Variants in NAALADL2 observed in about 807,000 individuals in gnomAD.
NAALADL2 encodes the protein inactive N-acetylated-alpha-linked acidic dipeptidase-like protein 2.
NAALADL2 carries 76 observed loss-of-function variants against 87.2 expected under a neutral mutation model. That is an observed-to-expected ratio of 0.87 (90% confidence interval 0.72 to 1.05). The LOEUF (loss-of-function observed/expected upper bound fraction) is 1.05, where lower values mean the gene tolerates loss of function less well. Among genes scored for constraint, NAALADL2 ranks in the 50% least tolerant of loss-of-function variants. The probability of loss-of-function intolerance (pLI) is 0.00; values close to 1 mark genes in which losing one functional copy is unlikely to be tolerated. For missense variants in NAALADL2, 1,089 were observed against 945.8 expected, an observed-to-expected ratio of 1.15 and a Z score of -1.99; for synonymous variants, 354 against 331.0, an observed-to-expected ratio of 1.07 and a Z score of -0.75.
At chr3:174,999,761 G>A (rs1436628032) in intron 1 of NAALADL2, among the ~76,000 whole-genome samples, 1 of 152,096 alleles carries the variant, frequency 6.6e-6, no homozygotes, top group Non-Finnish European at 1.5e-5. Flanking sequence ...TTTGGACACA[G>A]ACATTTTTCA....
chr3:175,326,743 G>A (rs1036931900), intron 5 of NAALADL2, among the ~76,000 whole-genome samples: 10 of 152,146 alleles, frequency 6.6e-5, no homozygotes, highest in Non-Finnish European at 1.0e-4. Flanking sequence ...GCAAGAAAGG[G>A]CCAAACTCAC....
chr3:175,734,723 C>T (rs1254987068), intron 11 of NAALADL2, among the ~76,000 whole-genome samples: 1 of 152,148 alleles, frequency 6.6e-6, no homozygotes, highest in African/African-American at 2.4e-5. Flanking sequence ...AAGGCTGGAG[C>T]AGCTGGGACT....
intron 2 of NAALADL2, among the ~76,000 whole-genome samples, chr3:174,561,285 T>TGAC (rs1713585591): frequency 6.6e-6 from 1 of 150,892 alleles, no homozygotes; most frequent in South Asian, 2.1e-4. Context: ...CTGCAACCTC[T>TGAC]GACGCCCTGG....
chr3:175,391,244 A>G (rs1284028381), intron 5 of NAALADL2, among the ~76,000 whole-genome samples: 1 of 152,148 alleles, frequency 6.6e-6, no homozygotes, highest in Non-Finnish European at 1.5e-5. Flanking sequence ...TTATTTAGCT[A>G]TATCTTTTCT....
At chr3:174,866,385 GAAAA>G (rs1727148760) in intron 1 of NAALADL2, among the ~76,000 whole-genome samples, 2 of 151,300 alleles carry the variant, frequency 1.3e-5, no homozygotes, top group South Asian at 4.1e-4. Context: ...CATTTCTGCA[GAAAA>G]AATTTCAAAC....
At chr3:174,929,744 A>G (rs535311960) in intron 1 of NAALADL2, among the ~76,000 whole-genome samples, 174 of 152,276 alleles carry the variant, frequency 1.1e-3, no homozygotes, top group African/African-American at 4.0e-3. Flanking sequence ...TGTTTTACAA[A>G]ATACTTTTAT....
chr3:175,229,403 A>C (rs9846329), intron 2 of NAALADL2, among the ~76,000 whole-genome samples: 3 of 152,060 alleles, frequency 2.0e-5, no homozygotes, highest in Admixed American at 6.6e-5. Flanking sequence ...AAATATTTTA[A>C]TTTTAAAACA....
At chr3:174,860,875 T>C (rs181169183) in intron 1 of NAALADL2, among the ~76,000 whole-genome samples, 3 of 152,198 alleles carry the variant, frequency 2.0e-5, no homozygotes, top group South Asian at 2.1e-4. Flanking sequence ...GTAATACATA[T>C]GTTTCACTGT....
intron 3 of NAALADL2, among the ~76,000 whole-genome samples, chr3:175,242,009 G>T (rs557667467): frequency 6.6e-6 from 1 of 151,382 alleles, no homozygotes; most frequent in Non-Finnish European, 1.5e-5. Flanking sequence ...TTACAGGCAC[G>T]CGCCCCCATG....
intron 13 of NAALADL2, among the ~76,000 whole-genome samples, chr3:175,793,189 G>A (rs1753008074): frequency 6.6e-6 from 1 of 151,804 alleles, no homozygotes; most frequent in Non-Finnish European, 1.5e-5. Context: ...AAACAATAAA[G>A]CACACAGTGA....
chr3:175,540,002 A>G (rs1214582355), intron 9 of NAALADL2, among the ~76,000 whole-genome samples: 1 of 152,210 alleles, frequency 6.6e-6, no homozygotes, highest in Non-Finnish European at 1.5e-5. Context: ...GTAGAAATTT[A>G]ATTTAGCACA....
In NAALADL2 at chr3:175,520,444, G is replaced by A. The variant is rs553076484; in HGVS notation, c.1653+48686G>A. ...CTCCCGAGTAGCTGGGACTACAGGC[G>A]CCCGCCACCGCGCCCGGCTAATTTT... On this transcript the variant is annotated intron_variant, in intron 9 of 13. Coordinates refer to ENST00000454872, the MANE Select transcript of NAALADL2 (RefSeq NM_207015.3). Among the ~76,000 whole-genome samples the A allele has an allele frequency of 4.5e-3, 682 of 151,576 alleles. 3 individuals are homozygous for A. The highest frequency in any genetic ancestry group is 6.1e-3 in the Non-Finnish European group (413 of 67,856).
chr3:175,450,167 G>GT (rs535346347), intron 6 of NAALADL2, among the ~76,000 whole-genome samples: 1 of 152,046 alleles, frequency 6.6e-6, no homozygotes, highest in African/African-American at 2.4e-5. Flanking sequence ...AATGCTCATA[G>GT]TTTTTCTGAG....
chr3:175,517,085 A>G lies in NAALADL2; in HGVS notation c.1653+45327A>G, dbSNP rs191681484. 3.9e-5 allele frequency among the ~76,000 whole-genome samples: 6 copies of G among 152,332 alleles called. No homozygotes were observed. The East Asian group carries it at 1.2e-3, about 29-fold the overall frequency. ...TTTATGTAGTAGTATTTTTAATAAC[A>G]ATTCAATCTTTACCTATTTTAACAC... On this transcript the variant is annotated intron_variant, in intron 9 of 13. Coordinates refer to ENST00000454872, the MANE Select transcript of NAALADL2 (RefSeq NM_207015.3).
At chr3:175,249,716 T>C (rs962502599) in intron 3 of NAALADL2, among the ~76,000 whole-genome samples, 1 of 152,194 alleles carries the variant, frequency 6.6e-6, no homozygotes, top group African/African-American at 2.4e-5. Context: ...AACTAAGTAA[T>C]ATACATTCTA....
chr3:175,023,503 A>G (rs1751831711), intron 1 of NAALADL2, among the ~76,000 whole-genome samples: 1 of 152,094 alleles, frequency 6.6e-6, no homozygotes, highest in African/African-American at 2.4e-5. Flanking sequence ...AATAAGAAAC[A>G]TCTTTGGCTA....
chr3:175,220,640 C>T (rs1743211733), intron 2 of NAALADL2, among the ~76,000 whole-genome samples: 1 of 151,870 alleles, frequency 6.6e-6, no homozygotes, highest in African/African-American at 2.4e-5. Context: ...AAATATATAG[C>T]CAGTAATTCC....
intron 11 of NAALADL2, among the ~76,000 whole-genome samples, chr3:175,635,182 A>G (rs1022234147): frequency 7.2e-5 from 11 of 152,120 alleles, no homozygotes; most frequent in African/African-American, 2.7e-4. Flanking sequence ...TACTGAACAA[A>G]TATAATTTGT....
In NAALADL2 at chr3:175,806,548, C is replaced by T. The variant is rs143973065; in HGVS notation, c.*3345C>T. 1.2e-3 allele frequency: 181 copies of T among 151,722 alleles called. 3 individuals carry two copies. In the East Asian group the frequency reaches 0.03, roughly 25 times the overall value. The allele number at this position is 151,722 out of a possible 1,614,324, so 9.4% of individuals were successfully genotyped here. On this transcript the variant is annotated 3_prime_UTR_variant, in exon 14 of 14. Transcript: ENST00000454872. ...TGAAGAGTCATAATAACAAGAAAGA[C>T]GTAAAGATTTGTTATTAATGGAATC... is the stretch of plus-strand genomic sequence containing the variant.
Sources: gnomAD v4.1 joint callset for allele counts (sites outside exome capture counted in the v4.1 genomes callset) on GRCh38, gnomAD v4.1.1 for gene constraint, MANE v1.5 for transcripts, NCBI Gene and HGNC (gene_info 2026-07-23, HGNC 2026-07-21) for gene names.